The following KDM4B variants were observed in gnomAD, a reference collection of about 807,000 sequenced individuals.
KDM4B encodes the protein lysine demethylase 4B, also known as lysine-specific demethylase 4B.
In KDM4B, 32 loss-of-function variants were observed where a neutral mutation model predicts 125.2. The observed-to-expected ratio is 0.26, with a 90% CI of 0.19 to 0.34. The LOEUF (loss-of-function observed/expected upper bound fraction) is 0.34, where lower values mean the gene tolerates loss of function less well. Among genes scored for constraint, KDM4B ranks in the 10% least tolerant of loss-of-function variants. KDM4B has a pLI of 1.00. For synonymous variants in KDM4B, 721 were observed against 677.9 expected, an observed-to-expected ratio of 1.06 and a Z score of -0.99; for missense variants, 1,190 against 1,577.7, an observed-to-expected ratio of 0.75 and a Z score of 4.16.
At chr19:5,043,695 T>G (rs2036916524) in intron 5 of KDM4B, among the ~76,000 whole-genome samples, 1 of 148,830 alleles carries the variant, frequency 6.7e-6, no homozygotes, top group Non-Finnish European at 1.5e-5. Context: ...TGCGTGGTGT[T>G]TATCGGAGTG....
intron 10 of KDM4B, chr19:5,113,786 C>A: frequency 1.5e-6 from 1 of 664,802 alleles, no homozygotes; most frequent in Non-Finnish European, 1.9e-6. Context: ...TGCCCTAGAC[C>A]AAGGGATGGC....
Position 5,035,543 on chromosome 19 carries a change from A to C in KDM4B, c.141+2512A>C, listed in dbSNP as rs1599466117. Among the ~76,000 whole-genome samples the C allele has an allele frequency of 6.7e-6, 1 of 149,908 alleles. No homozygotes were observed. The highest frequency in any genetic ancestry group is 2.5e-5 in the African/African-American group (1 of 40,492). On this transcript the variant is annotated intron_variant, in intron 3 of 22. Transcript: ENST00000159111. The surrounding 1 kb of genome is among the most constrained non-coding windows in gnomAD (Gnocchi z 5.3). ...GTGGCCTGTCCTCCCCCGCGCTGGC[A>C]CCTCCGCTTCGTCCCTCCCTCCCTC...
intron 6 of KDM4B, among the ~76,000 whole-genome samples, chr19:5,066,573 A>T (rs1223673649): frequency 6.6e-6 from 1 of 151,846 alleles, no homozygotes; most frequent in African/African-American, 2.4e-5. Context: ...CCATTGTTTT[A>T]TTTTCTCACC....
At chr19:5,053,921 C>T (rs2037311886) in intron 6 of KDM4B, among the ~76,000 whole-genome samples, 1 of 152,234 alleles carries the variant, frequency 6.6e-6, no homozygotes, top group Non-Finnish European at 1.5e-5. Flanking sequence ...ACCTGGTGCC[C>T]AGCTTCCCTG....
chr19:5,038,789 C>T (rs558990624), intron 3 of KDM4B, among the ~76,000 whole-genome samples: 5 of 152,364 alleles, frequency 3.3e-5, no homozygotes, highest in Admixed American at 2.0e-4. Flanking sequence ...GGCCCCAGCA[C>T]GCTCTGCACA....
At chr19:5,090,606 C>T (rs1218251122) in intron 9 of KDM4B, among the ~76,000 whole-genome samples, 3 of 83,626 alleles carry the variant, frequency 3.6e-5, no homozygotes. Context: ...CTCTTTCTCT[C>T]TCTCTCTCTG....
chr19:5,118,999 T>C, intron 10 of KDM4B: 1 of 644,692 alleles, frequency 1.6e-6, no homozygotes, highest in Non-Finnish European at 2.7e-6. Context: ...CCCATGCACC[T>C]CATGGGCTGC....
chr19:5,144,474 C>A, intron 20 of KDM4B, 62 bp downstream of exon 20: 1 of 1,263,590 alleles, frequency 7.9e-7, no homozygotes. Flanking sequence ...AACCTGTACC[C>A]TGAGAGCATC....
At chr19:5,068,836 A>T (rs750767481) in intron 6 of KDM4B, among the ~76,000 whole-genome samples, 13 of 152,256 alleles carry the variant, frequency 8.5e-5, no homozygotes, top group Non-Finnish European at 1.6e-4. Flanking sequence ...GTTCCAGTGT[A>T]TTAAACTTTT....
intron 16 of KDM4B, 79 bp downstream of exon 16, chr19:5,137,417 C>A: frequency 7.3e-7 from 1 of 1,377,532 alleles, no homozygotes; most frequent in Non-Finnish European, 1.0e-6. Flanking sequence ...GACTTTGGGG[C>A]GTAGTCTCCC....
intron 6 of KDM4B, among the ~76,000 whole-genome samples, chr19:5,051,208 C>T (rs2037212138): frequency 6.6e-6 from 1 of 152,242 alleles, no homozygotes; most frequent in South Asian, 2.1e-4. Flanking sequence ...GAGAGAGTTG[C>T]TGGTCCCAGG....
At chr19:5,030,882 G>A (rs1324216913) in intron 2 of KDM4B, among the ~76,000 whole-genome samples, 1 of 152,276 alleles carries the variant, frequency 6.6e-6, no homozygotes, top group Non-Finnish European at 1.5e-5. Context: ...CAGATCCAGG[G>A]ATGGCCTCAG....
intron 9 of KDM4B, among the ~76,000 whole-genome samples, chr19:5,087,079 G>A (rs935084993): frequency 6.6e-6 from 1 of 152,238 alleles, no homozygotes; most frequent in Non-Finnish European, 1.5e-5. Flanking sequence ...CAGGGCTGGC[G>A]CCTGCCTGAG....
chr19:5,102,626 A>T lies in KDM4B; in HGVS notation c.919-7996A>T, dbSNP rs534704648. ...CCGGTCTCTTGCTGTTGGCGTTGGGAGGGATCTCGCACCACAGCAGGGAAT... is the reference window on the plus strand; with the variant it reads ...CCGGTCTCTTGCTGTTGGCGTTGGGTGGGATCTCGCACCACAGCAGGGAAT... On this transcript the variant is annotated intron_variant, in intron 9 of 22. Transcript: ENST00000159111. 2.0e-5 allele frequency among the ~76,000 whole-genome samples: 3 copies of T among 152,148 alleles called. No individual in the cohort carries two copies. In the South Asian group the frequency reaches 6.2e-4, roughly 32 times the overall value.
At chr19:5,136,876 TC>T (rs1358030133) in intron 15 of KDM4B, among the ~76,000 whole-genome samples, 3 of 152,142 alleles carry the variant, frequency 2.0e-5, no homozygotes, top group Non-Finnish European at 4.4e-5. Context: ...ACAGTGAGTC[TC>T]CCTTGCGGCT....
At position 5,119,561 on chromosome 19, in the gene KDM4B, G is replaced by C. The variant is rs1353661051; in HGVS notation, c.1116-92G>C. The C allele has an allele frequency of 2.4e-6, 3 of 1,259,972 alleles. No homozygotes were observed. In the African/African-American group the frequency reaches 4.4e-5, roughly 19 times the overall value. 78.0% of individuals were successfully genotyped at this position (1,259,972 alleles called of 1,614,324 possible). A position where few individuals can be genotyped will look rare whatever the true frequency, so the allele number is the denominator to read the frequency against. On this transcript the variant is annotated intron_variant, in intron 10 of 22. Transcript: ENST00000159111. ...CTCATGGAGCGCTCTTCTGGGGGTG[G>C]GCGGGGGCTGCGTGCTGCCGGACAG...
intron 18 of KDM4B, among the ~76,000 whole-genome samples, chr19:5,139,847 G>A (rs968254986): frequency 6.6e-6 from 1 of 152,254 alleles, no homozygotes; most frequent in African/African-American, 2.4e-5. Flanking sequence ...GATGCGCGCA[G>A]CCACCTTGGG....
intron 6 of KDM4B, among the ~76,000 whole-genome samples, chr19:5,069,882 C>A (rs1568274053): frequency 6.6e-6 from 1 of 152,330 alleles, no homozygotes; most frequent in Non-Finnish European, 1.5e-5. Flanking sequence ...GCTGGGATGA[C>A]AGGCATGAGC....
intron 7 of KDM4B, 138 bp from the exon 8 acceptor site, chr19:5,077,229 C>A: frequency 1.4e-6 from 1 of 713,608 alleles, no homozygotes; most frequent in Non-Finnish European, 2.4e-6. Flanking sequence ...GAACCAAGGG[C>A]AGATCTGGGC....
Sources: gnomAD v4.1 joint callset for allele counts (sites outside exome capture counted in the v4.1 genomes callset) on GRCh38, gnomAD v4.1.1 for gene constraint, Gnocchi (gnomAD v3.1) non-coding constraint, MANE v1.5 for transcripts, NCBI Gene and HGNC (gene_info 2026-07-23, HGNC 2026-07-21) for gene names.